The following DLGAP1 variants were observed in gnomAD, a reference collection of about 807,000 sequenced individuals.
The protein encoded by DLGAP1 is disks large-associated protein 1.
A neutral mutation model predicts 90.8 loss-of-function variants in DLGAP1; 11 were observed. That is an observed-to-expected ratio of 0.12 (90% CI 0.08 to 0.20). The LOEUF is 0.20. DLGAP1 is among the 10% of genes least tolerant of loss of function. The pLI is 1.00. For missense variants in DLGAP1, 1,050 were observed against 1,333.8 expected (o/e 0.79, Z 3.31); for synonymous variants, 558 against 540.7 (o/e 1.03, Z -0.44).
intron 1 of DLGAP1, among the ~76,000 whole-genome samples, chr18:4,215,843 T>C (rs2139868): frequency 0.19 from 28,710 of 151,968 alleles, 3,065 homozygotes; most frequent in African/African-American, 0.3. Flanking sequence ...CCATTTCTCC[T>C]GCCAAAAGTG....
intron 3 of DLGAP1, among the ~76,000 whole-genome samples, chr18:3,968,684 A>G (rs1341903044): frequency 6.6e-6 from 1 of 152,196 alleles, no homozygotes; most frequent in Non-Finnish European, 1.5e-5. Flanking sequence ...TATTTGTGCA[A>G]ATATTATTTA....
intron 7 of DLGAP1, among the ~76,000 whole-genome samples, chr18:3,719,556 C>CAAA (rs60129859): frequency 7.6e-4 from 44 of 58,082 alleles, no homozygotes; most frequent in African/African-American, 1.2e-3. Context: ...GACTCTGTCT[C>CAAA]AAAAAAAAAA....
chr18:3,748,910 G>A (rs1358390795), intron 5 of DLGAP1, among the ~76,000 whole-genome samples: 6 of 152,242 alleles, frequency 3.9e-5, no homozygotes, highest in African/African-American at 1.4e-4. Context: ...TTTCATTAAA[G>A]TTGTTTACTT....
chr18:4,311,550 T>C (rs2080396869), intron 1 of DLGAP1, among the ~76,000 whole-genome samples: 1 of 152,188 alleles, frequency 6.6e-6, no homozygotes, highest in Non-Finnish European at 1.5e-5. Flanking sequence ...TCAAGTTTCA[T>C]TTATTTTCTT....
chr18:3,836,026 G>A (rs567418718), intron 4 of DLGAP1, among the ~76,000 whole-genome samples: 2 of 152,308 alleles, frequency 1.3e-5, no homozygotes, highest in East Asian at 1.9e-4. Context: ...AAAATGAGAA[G>A]TGATTAATAT....
rs185003250 is a variant in DLGAP1, at chr18:3,793,895, G to A, written c.1172+20164C>T. Among the ~76,000 whole-genome samples, 51 of 152,144 alleles carry A rather than the reference G, an allele frequency of 3.4e-4. No individual in the cohort carries two copies. The East Asian group carries it at 7.7e-3, about 23-fold the overall frequency. ...TTTTTCCTTCTTAGCCGTTATCCTA[G>A]TCTTCCTTGCTCTTTATGTCACTTA... On this transcript the variant is annotated intron_variant, in intron 5 of 12. Transcript: ENST00000315677.
At position 3,729,500 on chromosome 18, in the gene DLGAP1, A is replaced by G; in HGVS notation, c.1351-125T>C. The G allele has an allele frequency of 7.7e-7, 1 of 1,302,366 alleles. No individual in the cohort carries two copies. Among genetic ancestry groups the G allele is most frequent in the Non-Finnish European group, 1.0e-6 (1 of 959,130 alleles). 80.7% of individuals were successfully genotyped at this position (1,302,366 alleles called of 1,614,324 possible). ...GTCTGGTTAGATTAAGCTCAAATGCATTTTATTTCCTTTCTGTTACAGGCT... is the reference window on the plus strand; with the variant it reads ...GTCTGGTTAGATTAAGCTCAAATGCGTTTTATTTCCTTTCTGTTACAGGCT... On this transcript the variant is annotated intron_variant, in intron 6 of 12. Coordinates refer to ENST00000315677, the MANE Select transcript of DLGAP1 (RefSeq NM_004746.4). The surrounding 1 kb of genome is among the most constrained non-coding windows in gnomAD (Gnocchi z 6.2).
At position 3,765,242 on chromosome 18, in the gene DLGAP1, T is replaced by C. The variant is rs994487831; in HGVS notation, c.1173-22730A>G. Among the ~76,000 whole-genome samples, 9 of 150,376 alleles carry C rather than the reference T, an allele frequency of 6.0e-5. No homozygotes were observed. The East Asian group carries it at 8.0e-4, about 13-fold the overall frequency. ...GCCTCCCGGGTTCACACCATTCTTC[T>C]GCTTCAGCCTCCCGAGTAGCTGGAA... On this transcript the variant is annotated intron_variant, in intron 5 of 12. Coordinates refer to ENST00000315677, the MANE Select transcript of DLGAP1 (RefSeq NM_004746.4).
At chr18:3,760,936 T>C (rs1304283857) in intron 5 of DLGAP1, among the ~76,000 whole-genome samples, 1 of 152,194 alleles carries the variant, frequency 6.6e-6, no homozygotes, top group East Asian at 1.9e-4. Flanking sequence ...TGAGTTTTGG[T>C]TGGGTCCGTG....
At chr18:4,209,885 A>G (rs2077806100) in intron 1 of DLGAP1, among the ~76,000 whole-genome samples, 2 of 152,190 alleles carry the variant, frequency 1.3e-5, no homozygotes, top group South Asian at 2.1e-4. Context: ...AAAATATTCA[A>G]TATCTGTATT....
intron 1 of DLGAP1, among the ~76,000 whole-genome samples, chr18:4,331,109 T>C (rs2080941172): frequency 6.6e-6 from 1 of 151,850 alleles, no homozygotes; most frequent in Non-Finnish European, 1.5e-5. Flanking sequence ...TCCCCAGTAA[T>C]ATTCCTTGTC....
rs190427911 is a variant in DLGAP1 at position 3,801,249 on chromosome 18, G to C, written c.1172+12810C>G. Among the ~76,000 whole-genome samples, 249 of 152,266 alleles carry C rather than the reference G, an allele frequency of 1.6e-3. 3 individuals carry two copies. The highest frequency in any genetic ancestry group is 5.7e-3 in the African/African-American group (237 of 41,548). ...CACTGGGGATTACATTTCAACATGG[G>C]ATTTGGAGGGGACAAACACCCAAAC... On this transcript the variant is annotated intron_variant, in intron 5 of 12. Coordinates refer to ENST00000315677, the MANE Select transcript of DLGAP1 (RefSeq NM_004746.4).
At chr18:4,163,933 G>A (rs1019977446) in intron 1 of DLGAP1, among the ~76,000 whole-genome samples, 1 of 152,144 alleles carries the variant, frequency 6.6e-6, no homozygotes, top group Non-Finnish European at 1.5e-5. Flanking sequence ...CCTTGTCCCT[G>A]TAGATCTAAG....
At chr18:4,238,409 T>C (rs551208978) in intron 1 of DLGAP1, among the ~76,000 whole-genome samples, 6 of 152,208 alleles carry the variant, frequency 3.9e-5, no homozygotes, top group Non-Finnish European at 7.3e-5. Flanking sequence ...AGCTAGCTTT[T>C]TAATTTAAGT....
chr18:4,322,825 T>C (rs1386159956), intron 1 of DLGAP1, among the ~76,000 whole-genome samples: 1 of 151,506 alleles, frequency 6.6e-6, no homozygotes, highest in African/African-American at 2.4e-5. Flanking sequence ...GCCAGGCGTT[T>C]TGGCGGGCGC....
chr18:4,292,298 C>T (rs527646245), intron 1 of DLGAP1, among the ~76,000 whole-genome samples: 82 of 152,072 alleles, frequency 5.4e-4, no homozygotes, highest in Non-Finnish European at 9.7e-4. Flanking sequence ...CAAAATATAG[C>T]TATTTTTGGA....
chr18:3,508,043 G>A (rs140716997), intron 11 of DLGAP1, among the ~76,000 whole-genome samples: 1 of 152,240 alleles, frequency 6.6e-6, no homozygotes, highest in East Asian at 1.9e-4. Flanking sequence ...AGCCTGTTTT[G>A]CTTTGTTTTT....
chr18:3,789,881 A>G (rs1055522652), intron 5 of DLGAP1, among the ~76,000 whole-genome samples: 6 of 152,242 alleles, frequency 3.9e-5, no homozygotes, highest in Admixed American at 2.6e-4. Flanking sequence ...ATGCTAAGAT[A>G]ACTAGCAATG....
At chr18:3,868,662 C>A (rs2070553165) in intron 4 of DLGAP1, among the ~76,000 whole-genome samples, 1 of 152,110 alleles carries the variant, frequency 6.6e-6, no homozygotes, top group African/African-American at 2.4e-5. Context: ...TAAACCCTTC[C>A]TGTGAATTCT....
Sources: gnomAD v4.1 joint callset for allele counts (sites outside exome capture counted in the v4.1 genomes callset) on GRCh38, gnomAD v4.1.1 for gene constraint, Gnocchi (gnomAD v3.1) non-coding constraint, MANE v1.5 for transcripts, NCBI Gene and HGNC (gene_info 2026-07-23, HGNC 2026-07-21) for gene names.